Variants in ADAMTS17 observed in about 807,000 individuals in gnomAD.
ADAMTS17 encodes A disintegrin and metalloproteinase with thrombospondin motifs 17.
In ADAMTS17, 113 loss-of-function variants were observed where a neutral mutation model predicts 141.5. The ratio of observed to expected loss-of-function variants is 0.80; its 90% CI spans 0.69 to 0.93. The LOEUF is 0.93. Ranked by LOEUF, ADAMTS17 falls within the 40% of genes least tolerant of loss-of-function variation. The pLI is 0.00. For synonymous variants in ADAMTS17, 768 were observed against 630.6 expected (o/e 1.22, Z -3.27); for missense variants, 1,659 against 1,517.9 (o/e 1.09, Z -1.54).
At chr15:100,096,892 G>A (rs1239263193) in intron 14 of ADAMTS17, among the ~76,000 whole-genome samples, 1 of 152,188 alleles carries the variant, frequency 6.6e-6, no homozygotes, top group Non-Finnish European at 1.5e-5. Flanking sequence ...GGGGTCACCT[G>A]CAACTTGGCT....
In ADAMTS17 at chr15:100,149,245, G is replaced by A. The variant is rs532215130; in HGVS notation, c.1473+3367C>T. On this transcript the variant is annotated intron_variant, in intron 10 of 21. Transcript: ENST00000268070. The stretch of plus-strand genomic sequence containing the variant: ...TGATACATGTCCCAGGCCTAGGGCA[G>A]CATGCCCCAAATCCTTGGTTCTCAA... 2.0e-5 allele frequency among the ~76,000 whole-genome samples: 3 copies of A among 152,372 alleles called. No individual in the cohort carries two copies. In the East Asian group the frequency reaches 5.8e-4, roughly 29 times the overall value.
intron 6 of ADAMTS17, among the ~76,000 whole-genome samples, chr15:100,258,399 C>T (rs1037640120): frequency 3.9e-5 from 6 of 152,180 alleles, no homozygotes; most frequent in South Asian, 4.2e-4. Flanking sequence ...CATTGTTTTG[C>T]GTATTAGTCC....
intron 7 of ADAMTS17, among the ~76,000 whole-genome samples, chr15:100,250,512 G>C (rs955670869): frequency 1.3e-5 from 2 of 152,160 alleles, no homozygotes; most frequent in Admixed American, 6.5e-5. Context: ...CATAAAGATG[G>C]AATACAGATA....
At position 100,330,755 on chromosome 15, in the gene ADAMTS17, A is replaced by G. The variant is rs368914622; in HGVS notation, c.616+134T>C. The G allele has an allele frequency of 6.9e-5, 78 of 1,134,274 alleles. 1 individual carries two copies. The African/African-American group carries it at 8.9e-4, about 13-fold the overall frequency. The allele number at this position is 1,134,274 out of a possible 1,614,324, so 70.3% of individuals were successfully genotyped here. A position where few individuals can be genotyped will look rare whatever the true frequency, so the allele number is the denominator to read the frequency against. ...ATAGAAAGGAAAAGGAAGTGGTCTCAGGGCAATAAAACAGCTTTTGAAATA... is the reference window on the plus strand; with the variant it reads ...ATAGAAAGGAAAAGGAAGTGGTCTCGGGGCAATAAAACAGCTTTTGAAATA... On this transcript the variant is annotated intron_variant, in intron 3 of 21. Transcript: ENST00000268070.
intron 12 of ADAMTS17, among the ~76,000 whole-genome samples, chr15:100,130,306 G>A (rs149841928): frequency 0.015 from 2,285 of 151,562 alleles, 58 homozygotes; most frequent in African/African-American, 0.053. Context: ...GGAGGTTGCA[G>A]TGAGCCGAGA....
intron 18 of ADAMTS17, among the ~76,000 whole-genome samples, chr15:100,015,170 G>A (rs186751556): frequency 1.4e-4 from 21 of 152,200 alleles, no homozygotes; most frequent in South Asian, 6.2e-4. Flanking sequence ...CGTCTGATAC[G>A]AGAATAGCTA....
At chr15:100,099,220 G>A (rs2035948849) in intron 14 of ADAMTS17, among the ~76,000 whole-genome samples, 1 of 152,196 alleles carries the variant, frequency 6.6e-6, no homozygotes. Context: ...TCTACTTGGT[G>A]TTATTTTAGA....
rs575446666 is a variant in ADAMTS17 at position 99,997,865 on chromosome 15, A to G, written c.2592-276T>C. On this transcript the variant is annotated intron_variant, in intron 18 of 21. Coordinates refer to ENST00000268070, the MANE Select transcript of ADAMTS17 (RefSeq NM_139057.4). The surrounding 1 kb of genome is among the most constrained non-coding windows in gnomAD (Gnocchi z 4.7). ...AATTATCTGGTCACGGCCTCCCTGT[A>G]GGGAATTACGTATCTGCTTGTCGTC... Among the ~76,000 whole-genome samples the G allele has an allele frequency of 1.3e-5, 2 of 152,254 alleles. No individual in the cohort carries two copies. The highest frequency in any genetic ancestry group is 4.8e-5 in the African/African-American group (2 of 41,556).
At chr15:100,068,821 G>A (rs1414235902) in intron 15 of ADAMTS17, among the ~76,000 whole-genome samples, 2 of 152,166 alleles carry the variant, frequency 1.3e-5, no homozygotes, top group Non-Finnish European at 1.5e-5. Flanking sequence ...CAGAAAAACT[G>A]GAAACTCTAA....
At chr15:100,129,766 G>A (rs112426388) in intron 12 of ADAMTS17, 2,760 of 151,658 alleles carry the variant, frequency 0.018, 95 homozygotes, top group African/African-American at 0.063. Flanking sequence ...AAGTTGTCAT[G>A]CTGGGATTTG....
At chr15:100,141,213 T>C (rs2038632896) in intron 10 of ADAMTS17, among the ~76,000 whole-genome samples, 1 of 152,228 alleles carries the variant, frequency 6.6e-6, no homozygotes, top group South Asian at 2.1e-4. Flanking sequence ...GCAGCAAGCA[T>C]GCATCCCTGG....
At chr15:100,251,784 G>A (rs1330732007) in intron 7 of ADAMTS17, among the ~76,000 whole-genome samples, 1 of 152,200 alleles carries the variant, frequency 6.6e-6, no homozygotes, top group Non-Finnish European at 1.5e-5. Flanking sequence ...ACAGAGTAGG[G>A]GCTCTAGGCC....
At chr15:99,988,163 C>T (rs868467667) in intron 20 of ADAMTS17, among the ~76,000 whole-genome samples, 1 of 152,128 alleles carries the variant, frequency 6.6e-6, no homozygotes, top group South Asian at 2.1e-4. Context: ...GGTGTTTGTC[C>T]CACCAAATCT....
In ADAMTS17 at chr15:100,110,839, C is replaced by T. The variant is rs571118896; in HGVS notation, c.1889-1723G>A. 3.9e-5 allele frequency among the ~76,000 whole-genome samples: 6 copies of T among 152,250 alleles called. No homozygotes were observed. In the East Asian group the frequency reaches 5.8e-4, roughly 15 times the overall value. On this transcript the variant is annotated intron_variant, in intron 13 of 21. Transcript: ENST00000268070. ...GCTTCTGAGCCGACCTGGCCTCGGA[C>T]GACCTTGGCATCCCACCTGCAGAGT...
intron 4 of ADAMTS17, among the ~76,000 whole-genome samples, chr15:100,263,727 A>C (rs1341452772): frequency 6.6e-6 from 1 of 152,244 alleles, no homozygotes; most frequent in South Asian, 2.1e-4. Flanking sequence ...GGAAGGTTGG[A>C]GGGAACAAGA....
At chr15:100,020,985 C>G (rs2061397173) in intron 18 of ADAMTS17, among the ~76,000 whole-genome samples, 1 of 152,188 alleles carries the variant, frequency 6.6e-6, no homozygotes, top group Non-Finnish European at 1.5e-5. Flanking sequence ...ACTTCTCTAT[C>G]TCCTTCCTCC....
intron 8 of ADAMTS17, among the ~76,000 whole-genome samples, chr15:100,164,628 A>T (rs977918992): frequency 2.6e-5 from 4 of 152,100 alleles, no homozygotes; most frequent in African/African-American, 9.7e-5. Context: ...CGAGCTGAAA[A>T]CTCAGGTGCT....
At chr15:100,202,298 G>A (rs995399496) in intron 7 of ADAMTS17, among the ~76,000 whole-genome samples, 5 of 152,178 alleles carry the variant, frequency 3.3e-5, no homozygotes, top group African/African-American at 1.2e-4. Context: ...TTTTTCCAAG[G>A]TGCAGATGAT....
At position 99,989,261 on chromosome 15, in the gene ADAMTS17, A is replaced by G. The variant is rs77419695; in HGVS notation, c.2949+3787T>C. Among the ~76,000 whole-genome samples, 848 of 152,276 alleles carry G rather than the reference A, an allele frequency of 5.6e-3. 8 individuals are homozygous for G. The highest frequency in any genetic ancestry group is 0.019 in the African/African-American group (806 of 41,556). ...CATGACGCACAGGGGTACCCCACAA[A>G]AAGGAAAGCAGTGCTAGGTGCCCCG... On this transcript the variant is annotated intron_variant, in intron 20 of 21. Coordinates refer to ENST00000268070, the MANE Select transcript of ADAMTS17 (RefSeq NM_139057.4).
Sources: allele counts gnomAD v4.1 joint callset (sites outside exome capture counted in the v4.1 genomes callset), GRCh38; gene constraint gnomAD v4.1.1; non-coding constraint Gnocchi (gnomAD v3.1); transcripts MANE v1.5; gene names NCBI Gene and HGNC (gene_info 2026-07-23, HGNC 2026-07-21).